The following CENPK variants were observed in gnomAD, a reference collection of about 807,000 sequenced individuals.
The protein encoded by CENPK is SoxLZ/Sox6-binding protein Solt.
Under a neutral mutation model 40.9 loss-of-function variants are expected in CENPK, and 46 were observed. That is an observed-to-expected ratio of 1.13 (90% confidence interval 0.89 to 1.44). The LOEUF is 1.44. Ranked by LOEUF, CENPK falls within the 40% of genes most tolerant of loss-of-function variation. CENPK has a pLI of 0.00. For missense variants in CENPK, 288 were observed against 303.5 expected (o/e 0.95, Z 0.38); for synonymous variants, 107 against 104.4 (o/e 1.02, Z -0.15).
chr5:65,513,660 A>G (rs1158849348), downstream of CENPK, among the ~76,000 whole-genome samples: 1 of 152,170 alleles, frequency 6.6e-6, no homozygotes, highest in African/African-American at 2.4e-5. Flanking sequence ...TTCTCTGTAA[A>G]CTTGCTATAT....
intron 1 of CENPK, chr5:65,562,753 G>T (rs9790869): frequency 0.27 from 40,526 of 152,512 alleles, 5,995 homozygotes; most frequent in South Asian, 0.35. Context: ...TTGGTTATTT[G>T]AAGTAGCTGC....
intron 2 of CENPK, among the ~76,000 whole-genome samples, chr5:65,557,927 T>C (rs574014771): frequency 1.3e-5 from 2 of 152,260 alleles, no homozygotes; most frequent in South Asian, 4.1e-4. Context: ...AAATATTAAG[T>C]ATATGAAACG....
chr5:65,551,547 TA>T lies in CENPK; in HGVS notation c.241+16del. On this transcript the variant is annotated intron_variant, in intron 5 of 10. Coordinates refer to ENST00000396679, the MANE Select transcript of CENPK (RefSeq NM_022145.5). ...AATAGGTTTACAAAAAATTCAAATT[TA>T]AAATAAGAATCTTACTTTCAGGTGT... 1 of 1,416,578 alleles carries T rather than the reference TA, an allele frequency of 7.1e-7. No homozygotes were observed. The allele number at this position is 1,416,578 out of a possible 1,614,324, so 87.8% of individuals were successfully genotyped here.
intron 6 of CENPK, among the ~76,000 whole-genome samples, chr5:65,540,807 CCTTTT>C (rs2150440219): frequency 9.1e-6 from 1 of 110,274 alleles, no homozygotes; most frequent in Non-Finnish European, 1.9e-5. Flanking sequence ...TCAACTGTAT[CCTTTT>C]TTTTTTTTTT....
At chr5:65,528,837 A>G in intron 8 of CENPK, 82 bp downstream of exon 8, 1 of 979,870 alleles carries the variant, frequency 1.0e-6, no homozygotes, top group East Asian at 2.6e-5. Flanking sequence ...TCCTGGTAAC[A>G]TTTAACTTCA....
At position 65,552,039 on chromosome 5, in the gene CENPK, G is replaced by A. The variant is rs71626583; in HGVS notation, c.169-403C>T. 8.8e-3 allele frequency among the ~76,000 whole-genome samples: 1,314 copies of A among 148,766 alleles called. 15 individuals carry two copies. The highest frequency in any genetic ancestry group is 0.021 in the Middle Eastern group (6 of 282). On this transcript the variant is annotated intron_variant, in intron 4 of 10. Coordinates refer to ENST00000396679, the MANE Select transcript of CENPK (RefSeq NM_022145.5). ...TAATGGCACAATCTCAGCTCACTGCGGCCTCCATCTACTGGGTTCAAGTGA... is the reference window on the plus strand; with the variant it reads ...TAATGGCACAATCTCAGCTCACTGCAGCCTCCATCTACTGGGTTCAAGTGA...
chr5:65,525,737 TATGA>T (rs936259643), intron 9 of CENPK, among the ~76,000 whole-genome samples: 2 of 152,174 alleles, frequency 1.3e-5, no homozygotes, highest in African/African-American at 4.8e-5. Flanking sequence ...CCTAATCCAA[TATGA>T]ATGGTTTCCT....
At chr5:65,561,732 T>C (rs1355895487) in intron 1 of CENPK, among the ~76,000 whole-genome samples, 168 bp from the exon 2 acceptor site, 4 of 151,580 alleles carry the variant, frequency 2.6e-5, no homozygotes, top group Admixed American at 6.6e-5. Flanking sequence ...TACTTAATCA[T>C]TTATTGAAGA....
chr5:65,552,163 G>T (rs1750196828), intron 4 of CENPK, among the ~76,000 whole-genome samples: 2 of 152,102 alleles, frequency 1.3e-5, no homozygotes, highest in African/African-American at 4.8e-5. Flanking sequence ...GTTTTGCCAT[G>T]TAGGCCAGGC....
Position 65,554,890 on chromosome 5 carries a change from T to C in CENPK, c.18A>G (p.Leu6=). MNQED[L]DPDSTTDVGD... ...CCACATCTGTAGTACTATCCGGATC[T>C]AGATCCTCCTGATTCATTGATATAT... Residue 6 remains leucine (L), a synonymous_variant, in exon 3 of 11, where the codon CTA becomes CTG. Coordinates refer to ENST00000396679, the MANE Select transcript of CENPK (RefSeq NM_022145.5). 6.3e-7 allele frequency: 1 copy of C among 1,584,674 alleles called. No homozygotes were observed. The highest frequency in any genetic ancestry group is 8.7e-7 in the Non-Finnish European group (1 of 1,155,302).
At chr5:65,510,811 C>T in the CENPK span, among the ~76,000 whole-genome samples, 30,028 of 151,362 alleles carry the variant, frequency 0.2, 3,506 homozygotes, top group South Asian at 0.32. Context: ...AAATGGTTTA[C>T]GCAATTCATT....
At chr5:65,554,267 T>G (rs943295402) in intron 3 of CENPK, among the ~76,000 whole-genome samples, 10 of 151,996 alleles carry the variant, frequency 6.6e-5, no homozygotes, top group African/African-American at 1.9e-4. Flanking sequence ...TCAGCCTGTC[T>G]TAGCCACCCG....
At chr5:65,514,680 G>C (rs1425491818), downstream of CENPK, among the ~76,000 whole-genome samples, 4 of 152,296 alleles carry the variant, frequency 2.6e-5, no homozygotes, top group East Asian at 5.8e-4. Flanking sequence ...GAATTCACTA[G>C]TGAAGCCATC....
downstream of CENPK, among the ~76,000 whole-genome samples, chr5:65,514,326 C>T (rs1742714016): frequency 7.2e-6 from 1 of 139,092 alleles, no homozygotes; most frequent in African/African-American, 2.7e-5. Context: ...TGCAGTGGTG[C>T]AGTCTCAGCT....
At chr5:65,534,437 A>G (rs922660563) in intron 6 of CENPK, among the ~76,000 whole-genome samples, 6 of 152,236 alleles carry the variant, frequency 3.9e-5, no homozygotes, top group East Asian at 1.9e-4. Context: ...TAGAGAATTC[A>G]TAATACTTGA....
intron 2 of CENPK, among the ~76,000 whole-genome samples, chr5:65,559,196 G>T (rs947496845): frequency 3.3e-5 from 5 of 152,144 alleles, no homozygotes; most frequent in Admixed American, 6.5e-5. Flanking sequence ...TAAATAAATG[G>T]AAAGATACTT....
chr5:65,550,173 TCAAAAAAAAA>T (rs1561682055), intron 5 of CENPK, among the ~76,000 whole-genome samples: 4 of 104,306 alleles, frequency 3.8e-5, no homozygotes, highest in African/African-American at 3.6e-5. Flanking sequence ...AGACTCCATC[TCAAAAAAAAA>T]AAAAAAAAAA....
At chr5:65,553,912 T>C (rs917242734) in intron 3 of CENPK, among the ~76,000 whole-genome samples, 3 of 152,200 alleles carry the variant, frequency 2.0e-5, no homozygotes, top group African/African-American at 7.2e-5. Context: ...TTAAAATCTT[T>C]TAATGGCTCC....
At chr5:65,503,030 C>T in the CENPK span, among the ~76,000 whole-genome samples, 1 of 151,682 alleles carries the variant, frequency 6.6e-6, no homozygotes, top group Admixed American at 6.6e-5. Context: ...AACTCCTGAC[C>T]TCAATTGATC....
Sources: gnomAD v4.1 joint callset for allele counts (sites outside exome capture counted in the v4.1 genomes callset) on GRCh38, gnomAD v4.1.1 for gene constraint, MANE v1.5 for transcripts, NCBI Gene and HGNC (gene_info 2026-07-23, HGNC 2026-07-21) for gene names.